The following PXDNL variants were observed in gnomAD, a reference collection of about 807,000 sequenced individuals.
PXDNL encodes the protein peroxidasin like, also known as probable oxidoreductase PXDNL.
PXDNL carries 145 observed loss-of-function variants against 150.8 expected under a neutral mutation model. That is an observed-to-expected ratio of 0.96 (90% confidence interval 0.84 to 1.10). The LOEUF is 1.10. PXDNL is among the 50% of genes least tolerant of loss of function. The pLI, the probability that PXDNL is intolerant of heterozygous loss-of-function variation, is 0.00. For synonymous variants in PXDNL, 757 were observed against 725.7 expected (o/e 1.04, Z -0.69); for missense variants, 2,087 against 1,873.9 (o/e 1.11, Z -2.10).
chr8:51,615,167 A>G (rs1223649506), intron 2 of PXDNL, among the ~76,000 whole-genome samples: 1 of 152,206 alleles, frequency 6.6e-6, no homozygotes, highest in Non-Finnish European at 1.5e-5. Flanking sequence ...CTAGCAGTAC[A>G]ACATAAAATA....
chr8:51,479,991 A>C (rs1400853580), intron 6 of PXDNL, among the ~76,000 whole-genome samples: 1 of 152,206 alleles, frequency 6.6e-6, no homozygotes, highest in Non-Finnish European at 1.5e-5. Context: ...AGAATTACCA[A>C]GAAAGAAGGA....
At chr8:51,322,526 G>T (rs931596386) in intron 21 of PXDNL, among the ~76,000 whole-genome samples, 2 of 152,066 alleles carry the variant, frequency 1.3e-5, no homozygotes, top group Non-Finnish European at 2.9e-5. Context: ...CCAGGCAATG[G>T]GAAATAACAT....
chr8:51,464,128 C>G (rs1810147965), intron 8 of PXDNL, among the ~76,000 whole-genome samples: 1 of 151,990 alleles, frequency 6.6e-6, no homozygotes, highest in African/African-American at 2.4e-5. Context: ...CTTTGGGAGG[C>G]TGAGGCAGGA....
chr8:51,461,331 C>A (rs757900374), intron 8 of PXDNL, among the ~76,000 whole-genome samples: 1 of 152,202 alleles, frequency 6.6e-6, no homozygotes, highest in African/African-American at 2.4e-5. Flanking sequence ...AAGGGTGTGA[C>A]CTTTCTGCTA....
chr8:51,565,673 T>C (rs79484593), intron 3 of PXDNL, among the ~76,000 whole-genome samples: 3,444 of 152,004 alleles, frequency 0.023, 131 homozygotes, highest in African/African-American at 0.076. Flanking sequence ...AATGTACACA[T>C]AATTTGTCTC....
intron 19 of PXDNL, among the ~76,000 whole-genome samples, chr8:51,360,495 A>C (rs1034292312): frequency 6.6e-6 from 1 of 152,252 alleles, no homozygotes; most frequent in African/African-American, 2.4e-5. Context: ...ATACACATGT[A>C]TATATGTACA....
Position 51,706,108 on chromosome 8 carries a change from C to T in PXDNL, c.165-51348G>A, listed in dbSNP as rs565127951. Among the ~76,000 whole-genome samples the T allele has an allele frequency of 2.5e-3, 380 of 152,214 alleles. 1 individual carries two copies. The highest frequency in any genetic ancestry group is 8.7e-3 in the African/African-American group (361 of 41,542). On this transcript the variant is annotated intron_variant, in intron 1 of 22. Coordinates refer to ENST00000356297, the MANE Select transcript of PXDNL (RefSeq NM_144651.5). Reference sequence around the variant, plus strand: ...GGCAGATCACCTGAGGTCAGGAGTTCGTGACCAGCCTGACCAACATGGTGA... The same window carrying T: ...GGCAGATCACCTGAGGTCAGGAGTTTGTGACCAGCCTGACCAACATGGTGA...
chr8:51,609,636 T>C (rs1813952734), intron 2 of PXDNL, among the ~76,000 whole-genome samples: 1 of 152,054 alleles, frequency 6.6e-6, no homozygotes, highest in South Asian at 2.1e-4. Flanking sequence ...GATGGACAAA[T>C]GCAGGTGGAA....
At chr8:51,413,123 T>G in intron 15 of PXDNL, 27 bp downstream of exon 15, 1 of 1,333,422 alleles carries the variant, frequency 7.5e-7, no homozygotes. Context: ...AAAACAAGGT[T>G]TCAATCTGTG....
intron 4 of PXDNL, among the ~76,000 whole-genome samples, chr8:51,512,635 C>T (rs1811445877): frequency 6.6e-6 from 1 of 152,152 alleles, no homozygotes; most frequent in Admixed American, 6.5e-5. Flanking sequence ...GTTTTTGAAG[C>T]TAACTCTGGG....
intron 1 of PXDNL, among the ~76,000 whole-genome samples, chr8:51,767,911 C>G (rs1475789134): frequency 6.6e-6 from 1 of 152,206 alleles, no homozygotes; most frequent in Non-Finnish European, 1.5e-5. Flanking sequence ...CAAGTCAAGA[C>G]ATTTGTGAAT....
chr8:51,503,386 C>T (rs570761616), intron 4 of PXDNL, among the ~76,000 whole-genome samples: 2 of 99,922 alleles, frequency 2.0e-5, no homozygotes, highest in Non-Finnish European at 4.2e-5. Context: ...AATTTTCTAA[C>T]AAAATCTTTT....
intron 3 of PXDNL, among the ~76,000 whole-genome samples, chr8:51,581,190 A>G (rs1353865064): frequency 2.6e-5 from 4 of 152,118 alleles, no homozygotes; most frequent in South Asian, 2.1e-4. Context: ...ACTGATTCCA[A>G]TCATCTGTAA....
intron 1 of PXDNL, among the ~76,000 whole-genome samples, chr8:51,796,504 C>T (rs1336928782): frequency 1.3e-5 from 2 of 151,920 alleles, no homozygotes; most frequent in African/African-American, 4.8e-5. Flanking sequence ...CACCACTGAC[C>T]CCACAGAAAT....
chr8:51,402,480 C>T (rs900273880), intron 17 of PXDNL, among the ~76,000 whole-genome samples: 1 of 152,148 alleles, frequency 6.6e-6, no homozygotes, highest in African/African-American at 2.4e-5. Flanking sequence ...GATCGCACCA[C>T]TGCACTCCAG....
intron 1 of PXDNL, among the ~76,000 whole-genome samples, chr8:51,676,096 T>C (rs529481693): frequency 6.6e-6 from 1 of 152,324 alleles, no homozygotes; most frequent in Non-Finnish European, 1.5e-5. Flanking sequence ...CAGATATAGA[T>C]GGTAAGTCCT....
chr8:51,488,762 T>C (rs910113231), intron 5 of PXDNL, among the ~76,000 whole-genome samples: 4 of 151,978 alleles, frequency 2.6e-5, no homozygotes, highest in Non-Finnish European at 5.9e-5. Context: ...CAAATATCAA[T>C]AGACAATGAA....
chr8:51,479,720 G>A (rs574905757), intron 6 of PXDNL, among the ~76,000 whole-genome samples: 3 of 152,294 alleles, frequency 2.0e-5, no homozygotes, highest in African/African-American at 7.2e-5. Context: ...AAAAGTGGAA[G>A]GGTGGGGTGG....
intron 1 of PXDNL, among the ~76,000 whole-genome samples, chr8:51,661,141 T>C (rs949385146): frequency 6.6e-6 from 1 of 152,220 alleles, no homozygotes; most frequent in Non-Finnish European, 1.5e-5. Context: ...TTTTCCAGGC[T>C]TGAGACAAGC....
Sources: allele counts gnomAD v4.1 joint callset (sites outside exome capture counted in the v4.1 genomes callset), GRCh38; gene constraint gnomAD v4.1.1; transcripts MANE v1.5; gene names NCBI Gene and HGNC (gene_info 2026-07-23, HGNC 2026-07-21).